Variants in NDUFS4 observed in about 807,000 individuals in gnomAD.
NDUFS4 encodes the protein NADH:ubiquinone oxidoreductase subunit S4.
A neutral mutation model predicts 24.3 loss-of-function variants in NDUFS4; 28 were observed. The observed-to-expected ratio is 1.15, with a 90% CI of 0.85 to 1.58. NDUFS4 has a LOEUF of 1.58. Among genes scored for constraint, NDUFS4 ranks in the 40% most tolerant of loss-of-function variants. The pLI, the probability that NDUFS4 is intolerant of heterozygous loss-of-function variation, is 0.00. For synonymous variants in NDUFS4, 93 were observed against 69.7 expected (o/e 1.34, Z -1.67); for missense variants, 223 against 207.9 (o/e 1.07, Z -0.45).
chr5:53,667,277 C>T (rs1752543511), intron 4 of NDUFS4, among the ~76,000 whole-genome samples: 1 of 152,018 alleles, frequency 6.6e-6, no homozygotes, highest in African/African-American at 2.4e-5. Flanking sequence ...ATCAGCCTGA[C>T]CAACATGGAG....
intron 2 of NDUFS4, among the ~76,000 whole-genome samples, chr5:53,639,164 T>A (rs1751637570): frequency 6.6e-6 from 1 of 151,972 alleles, no homozygotes; most frequent in Non-Finnish European, 1.5e-5. Context: ...TATTGCATTT[T>A]TTTTGTATAA....
intron 1 of NDUFS4, among the ~76,000 whole-genome samples, chr5:53,575,422 G>C (rs1318084795): frequency 6.6e-6 from 1 of 151,492 alleles, no homozygotes; most frequent in African/African-American, 2.4e-5. Context: ...GCCCATCCTA[G>C]GATGGATTAT....
At chr5:53,660,188 C>T (rs562937993) in intron 4 of NDUFS4, among the ~76,000 whole-genome samples, 1 of 138,372 alleles carries the variant, frequency 7.2e-6, no homozygotes, top group Admixed American at 7.7e-5. Context: ...TGATGTTCCC[C>T]TTCCTGTGTC....
chr5:53,626,147 T>A (rs1751216381), intron 2 of NDUFS4, among the ~76,000 whole-genome samples: 1 of 152,164 alleles, frequency 6.6e-6, no homozygotes, highest in Non-Finnish European at 1.5e-5. Flanking sequence ...TTAGGTTTTC[T>A]CTTCTTGTGT....
intron 2 of NDUFS4, among the ~76,000 whole-genome samples, chr5:53,616,839 A>G (rs1750854150): frequency 1.3e-5 from 2 of 152,342 alleles, no homozygotes; most frequent in South Asian, 4.1e-4. Flanking sequence ...AAAGAAGCTC[A>G]AAGGAAATGG....
chr5:53,582,340 A>G (rs1446618772), intron 1 of NDUFS4, among the ~76,000 whole-genome samples: 1 of 152,234 alleles, frequency 6.6e-6, no homozygotes, highest in Non-Finnish European at 1.5e-5. Context: ...TTCAGGGTCA[A>G]GAGTGGCCAG....
intron 2 of NDUFS4, among the ~76,000 whole-genome samples, chr5:53,622,136 A>G (rs908551556): frequency 1.3e-5 from 2 of 152,106 alleles, no homozygotes; most frequent in African/African-American, 4.8e-5. Flanking sequence ...TAAAGTTTCC[A>G]TCTGGTATCC....
chr5:53,675,193 ACT>A (rs1328943900), intron 4 of NDUFS4, among the ~76,000 whole-genome samples: 1 of 119,226 alleles, frequency 8.4e-6, no homozygotes. Context: ...GCGGAGTCTC[ACT>A]CTGTCACCCA....
At chr5:53,601,759 G>A (rs560173871) in intron 1 of NDUFS4, among the ~76,000 whole-genome samples, 2 of 152,276 alleles carry the variant, frequency 1.3e-5, no homozygotes, top group Admixed American at 6.5e-5. Context: ...CCCAGGATGT[G>A]AATCATCCCT....
intron 2 of NDUFS4, among the ~76,000 whole-genome samples, chr5:53,643,097 TTATA>T (rs1347913489): frequency 3.9e-5 from 6 of 152,176 alleles, no homozygotes; most frequent in African/African-American, 1.4e-4. Flanking sequence ...TGTATATTAC[TTATA>T]GAGTAGCTTG....
intron 2 of NDUFS4, among the ~76,000 whole-genome samples, chr5:53,616,930 AT>A (rs1283303616): frequency 2.6e-5 from 4 of 151,924 alleles, no homozygotes; most frequent in Non-Finnish European, 4.4e-5. Context: ...CAATTTGGTG[AT>A]TTTTTTTCTA....
chr5:53,661,358 A>G (rs1346907903), intron 4 of NDUFS4, among the ~76,000 whole-genome samples: 1 of 152,112 alleles, frequency 6.6e-6, no homozygotes, highest in African/African-American at 2.4e-5. Flanking sequence ...CCATTGGTGT[A>G]TATCTCTGTT....
At chr5:53,603,669 G>T in intron 2 of NDUFS4, 139 bp downstream of exon 2, 2 of 666,180 alleles carry the variant, frequency 3.0e-6, no homozygotes, top group Non-Finnish European at 5.3e-6. Context: ...ATTTTAAGAA[G>T]AAATATTTGT....
chr5:53,651,306 G>T (rs1349019816), intron 3 of NDUFS4, among the ~76,000 whole-genome samples: 1 of 151,696 alleles, frequency 6.6e-6, no homozygotes, highest in African/African-American at 2.4e-5. Context: ...TGGACATATT[G>T]AATTCTGACT....
chr5:53,603,242 T>G (rs1750383900), intron 1 of NDUFS4, among the ~76,000 whole-genome samples: 1 of 152,126 alleles, frequency 6.6e-6, no homozygotes, highest in Non-Finnish European at 1.5e-5. Flanking sequence ...CGCAGCCTGT[T>G]GTGAACTGTC....
chr5:53,585,055 G>T (rs1749702618), intron 1 of NDUFS4, among the ~76,000 whole-genome samples: 1 of 152,132 alleles, frequency 6.6e-6, no homozygotes, highest in Non-Finnish European at 1.5e-5. Context: ...GGGCCATAGT[G>T]CCTGACCAAA....
At chr5:53,635,212 T>TAAATAAATAACC (rs1554058363) in intron 2 of NDUFS4, among the ~76,000 whole-genome samples, 1 of 150,922 alleles carries the variant, frequency 6.6e-6, no homozygotes, top group Non-Finnish European at 1.5e-5. Flanking sequence ...AATAAATAAA[T>TAAATAAATAACC]AACCAACCAA....
At chr5:53,599,093 T>C (rs1750228221) in intron 1 of NDUFS4, among the ~76,000 whole-genome samples, 1 of 152,190 alleles carries the variant, frequency 6.6e-6, no homozygotes, top group Admixed American at 6.5e-5. Context: ...TTCTAATGAT[T>C]ACACATTAGT....
At chr5:53,589,802 A>G (rs1749885605) in intron 1 of NDUFS4, among the ~76,000 whole-genome samples, 1 of 152,168 alleles carries the variant, frequency 6.6e-6, no homozygotes, top group Non-Finnish European at 1.5e-5. Context: ...AAAACATGGA[A>G]AGACTAGACT....
Sources: allele counts gnomAD v4.1 joint callset (sites outside exome capture counted in the v4.1 genomes callset), GRCh38; gene constraint gnomAD v4.1.1; transcripts MANE v1.5; gene names NCBI Gene and HGNC (gene_info 2026-07-23, HGNC 2026-07-21).